Variants in LRMDA observed in about 807,000 individuals in gnomAD.
LRMDA encodes the protein leucine-rich melanocyte differentiation-associated protein.
A neutral mutation model predicts 29.8 loss-of-function variants in LRMDA; 18 were observed. The observed-to-expected ratio is 0.60, with a 90% CI of 0.42 to 0.90. LRMDA has a LOEUF of 0.90. Among genes scored for constraint, LRMDA ranks in the 40% least tolerant of loss-of-function variants. The probability of loss-of-function intolerance (pLI) is 0.00; values close to 1 mark genes in which losing one functional copy is unlikely to be tolerated. For missense variants in LRMDA, 273 were observed against 273.9 expected, an observed-to-expected ratio of 1.00 and a Z score of 0.02; for synonymous variants, 125 against 109.4, an observed-to-expected ratio of 1.14 and a Z score of -0.89.
intron 2 of LRMDA, among the ~76,000 whole-genome samples, chr10:75,604,097 AC>A (rs1202550174): frequency 6.6e-6 from 1 of 151,736 alleles, no homozygotes; most frequent in Non-Finnish European, 1.5e-5. Flanking sequence ...TTGGATTGTG[AC>A]CCCCCAATGT....
intron 2 of LRMDA, among the ~76,000 whole-genome samples, chr10:75,835,843 T>A (rs1218089854): frequency 6.6e-6 from 1 of 152,210 alleles, no homozygotes; most frequent in African/African-American, 2.4e-5. Flanking sequence ...TGAGTTTTAG[T>A]TGCTGAACAG....
At position 75,595,562 on chromosome 10, in the gene LRMDA, TATA is replaced by T. The variant is rs573830228; in HGVS notation, c.131+157071_131+157073del. Among the ~76,000 whole-genome samples, 8 of 149,168 alleles carry T rather than the reference TATA, an allele frequency of 5.4e-5. No homozygotes were observed. In the East Asian group the frequency reaches 1.6e-3, roughly 29 times the overall value. ...ATGAGTATGTATTTTATAATCCACA[TATA>T]ATTATAATATATATAATTATAATTT... On this transcript the variant is annotated intron_variant, in intron 2 of 6. Transcript: ENST00000611255.
chr10:75,493,315 C>G (rs1845007818), intron 2 of LRMDA, among the ~76,000 whole-genome samples: 1 of 148,424 alleles, frequency 6.7e-6, no homozygotes, highest in South Asian at 2.1e-4. Flanking sequence ...TTTGGGATCT[C>G]CGTGAAGAGA....
At chr10:76,170,258 G>A (rs755990572) in intron 5 of LRMDA, among the ~76,000 whole-genome samples, 39 of 152,170 alleles carry the variant, frequency 2.6e-4, no homozygotes, top group Admixed American at 2.2e-3. Context: ...ACCAAAACTA[G>A]CTCATCTAAC....
At chr10:76,223,692 C>T (rs1381897365) in intron 5 of LRMDA, among the ~76,000 whole-genome samples, 1 of 152,162 alleles carries the variant, frequency 6.6e-6, no homozygotes, top group East Asian at 1.9e-4. Flanking sequence ...AGAGGGCTCC[C>T]ACCAGAACCA....
At chr10:76,376,040 T>A (rs2132464544) in intron 6 of LRMDA, among the ~76,000 whole-genome samples, 1 of 152,230 alleles carries the variant, frequency 6.6e-6, no homozygotes, top group East Asian at 1.9e-4. Context: ...AGTACATTAT[T>A]ATTACATGGT....
At chr10:76,538,814 T>C (rs1298631748) in intron 6 of LRMDA, among the ~76,000 whole-genome samples, 2 of 152,098 alleles carry the variant, frequency 1.3e-5, no homozygotes, top group Non-Finnish European at 2.9e-5. Flanking sequence ...TTGCATAACA[T>C]TTTGTATATT....
chr10:76,205,847 T>A (rs1030798397), intron 5 of LRMDA, among the ~76,000 whole-genome samples: 1 of 152,028 alleles, frequency 6.6e-6, no homozygotes. Context: ...GATATGCAGA[T>A]CTTTGCTACT....
chr10:76,060,944 A>G (rs1299858489), intron 5 of LRMDA, among the ~76,000 whole-genome samples: 1 of 152,226 alleles, frequency 6.6e-6, no homozygotes, highest in Non-Finnish European at 1.5e-5. Flanking sequence ...TAGTTCAACC[A>G]TTGTGGAAAG....
intron 2 of LRMDA, among the ~76,000 whole-genome samples, chr10:75,707,973 T>TC (rs1337923113): frequency 6.6e-6 from 1 of 152,192 alleles, no homozygotes; most frequent in Non-Finnish European, 1.5e-5. Flanking sequence ...TCTTGTTCAG[T>TC]CCTAGTTCCT....
In LRMDA at chr10:75,853,433, G is replaced by GGTGTGTGTGTGT. The variant is rs3042495; in HGVS notation, c.132-182553_132-182542dup. ...CTAAAGCATCCACCTAAAGAAGAGG[G>GGTGTGTGTGTGT]GTGTGTGTGTGTGTGTGTGTGTGTG... On this transcript the variant is annotated intron_variant, in intron 2 of 6. Coordinates refer to ENST00000611255, the MANE Select transcript of LRMDA (RefSeq NM_001305581.2). Among the ~76,000 whole-genome samples the GGTGTGTGTGTGT allele has an allele frequency of 5.0e-3, 741 of 147,590 alleles. 1 individual carries two copies. Among genetic ancestry groups the GGTGTGTGTGTGT allele is most frequent in the Non-Finnish European group, 4.3e-3 (289 of 66,688 alleles).
chr10:75,818,344 T>C (rs1449925104), intron 2 of LRMDA, among the ~76,000 whole-genome samples: 1 of 152,190 alleles, frequency 6.6e-6, no homozygotes, highest in Non-Finnish European at 1.5e-5. Flanking sequence ...AAATCATAAC[T>C]GTCATATGTC....
intron 5 of LRMDA, among the ~76,000 whole-genome samples, chr10:76,289,366 C>A (rs1840310981): frequency 6.6e-6 from 1 of 152,104 alleles, no homozygotes; most frequent in Admixed American, 6.5e-5. Context: ...GCAGAATTGG[C>A]CTCTGAGAAT....
chr10:76,058,569 A>T, intron 4 of LRMDA, 97 bp from the exon 5 acceptor site: 1 of 983,378 alleles, frequency 1.0e-6, no homozygotes, highest in East Asian at 2.4e-5. Context: ...GTTCCAGAAG[A>T]CCGGATGGTG....
chr10:75,597,590 G>A (rs1840807691), intron 2 of LRMDA, among the ~76,000 whole-genome samples: 1 of 152,096 alleles, frequency 6.6e-6, no homozygotes, highest in African/African-American at 2.4e-5. Flanking sequence ...CAGGTGGTGT[G>A]ACTTTCATAT....
intron 5 of LRMDA, among the ~76,000 whole-genome samples, chr10:76,126,424 G>A (rs1849884468): frequency 6.6e-6 from 1 of 152,158 alleles, no homozygotes; most frequent in Admixed American, 6.6e-5. Context: ...GTGCCCTGTG[G>A]TATAACCTGT....
At chr10:76,265,708 A>G (rs751169522) in intron 5 of LRMDA, among the ~76,000 whole-genome samples, 1 of 152,218 alleles carries the variant, frequency 6.6e-6, no homozygotes, top group Non-Finnish European at 1.5e-5. Flanking sequence ...TTGTTGGGGA[A>G]GAGTCAGATC....
chr10:76,309,309 A>G (rs1840600296), intron 5 of LRMDA, among the ~76,000 whole-genome samples: 1 of 152,122 alleles, frequency 6.6e-6, no homozygotes, highest in Admixed American at 6.5e-5. Flanking sequence ...GTCAGGAGCC[A>G]GTGTCCAGTG....
chr10:75,873,932 A>G (rs908511064), intron 2 of LRMDA, among the ~76,000 whole-genome samples: 3 of 152,114 alleles, frequency 2.0e-5, no homozygotes, highest in African/African-American at 7.2e-5. Flanking sequence ...GAATGGCCAA[A>G]TGATGTGCTA....
Sources: gnomAD v4.1 joint callset for allele counts (sites outside exome capture counted in the v4.1 genomes callset) on GRCh38, gnomAD v4.1.1 for gene constraint, MANE v1.5 for transcripts, NCBI Gene and HGNC (gene_info 2026-07-23, HGNC 2026-07-21) for gene names.